The following ASB7 variants were observed in gnomAD, a reference collection of about 807,000 sequenced individuals.
ASB7 encodes ankyrin repeat and SOCS box containing 7.
A neutral mutation model predicts 32.5 loss-of-function variants in ASB7; 4 were observed. The ratio of observed to expected loss-of-function variants is 0.12; its 90% CI spans 0.06 to 0.28. The LOEUF is 0.28. ASB7 is among the 10% of genes least tolerant of loss of function. The pLI, the probability that ASB7 is intolerant of heterozygous loss-of-function variation, is 1.00. For synonymous variants in ASB7, 172 were observed against 155.6 expected (o/e 1.11, Z -0.78); for missense variants, 181 against 407.1 (o/e 0.44, Z 4.78).
chr15:100,630,318 T>C, intron 5 of ASB7: 1 of 572,038 alleles, frequency 1.7e-6, no homozygotes, highest in South Asian at 4.4e-5. Flanking sequence ...TTTTTTTAAA[T>C]GAACAAAGAT....
chr15:100,618,075 C>T (rs374674078), intron 4 of ASB7, among the ~76,000 whole-genome samples: 74 of 152,230 alleles, frequency 4.9e-4, no homozygotes, highest in African/African-American at 1.5e-3. Context: ...CCACCTCAGC[C>T]GTACCTGTTA....
Position 100,629,323 on chromosome 15 carries a change from T to G in ASB7, c.212-114T>G. On this transcript the variant is annotated intron_variant, in intron 4 of 5. Transcript: ENST00000332783. The surrounding 1 kb of genome is among the most constrained non-coding windows in gnomAD (Gnocchi z 6.8). ...AAAACGTACTTGATATTCATTACAG[T>G]GTTTGGTTGCTTCACATTTTATATG... The G allele has an allele frequency of 1.1e-6, 1 of 907,094 alleles. No individual in the cohort carries two copies. The highest frequency in any genetic ancestry group is 1.7e-6 in the Non-Finnish European group (1 of 586,102). The allele number at this position is 907,094 out of a possible 1,614,324, so 56.2% of individuals were successfully genotyped here.
At chr15:100,637,445 A>T (rs1054856993) in intron 5 of ASB7, among the ~76,000 whole-genome samples, 2 of 152,194 alleles carry the variant, frequency 1.3e-5, no homozygotes, top group African/African-American at 4.8e-5. Context: ...ATCAGTGGAG[A>T]TATTAACAAA....
Position 100,648,322 on chromosome 15 carries a change from G to A in ASB7, c.818-1G>A. On this transcript the variant is annotated splice_acceptor_variant, in intron 5 of 5. Coordinates refer to ENST00000332783, the MANE Select transcript of ASB7 (RefSeq NM_198243.3). LOFTEE classifies it high-confidence loss of function. ...ACATTTTCTTTTTTCTGTCTTTTTA[G>A]GACAGCCCAGAAACTTGCAGGACCT... 1 of 1,578,830 alleles carries A rather than the reference G, an allele frequency of 6.3e-7. No homozygotes were observed.
At chr15:100,639,082 C>T (rs1188607473) in intron 5 of ASB7, among the ~76,000 whole-genome samples, 1 of 152,150 alleles carries the variant, frequency 6.6e-6, no homozygotes, top group African/African-American at 2.4e-5. Flanking sequence ...GAAGCAACCA[C>T]CAGTATGCTT....
At chr15:100,606,137 G>GT (rs941421504) in intron 2 of ASB7, among the ~76,000 whole-genome samples, 1 of 151,624 alleles carries the variant, frequency 6.6e-6, no homozygotes, top group African/African-American at 2.4e-5. Flanking sequence ...GCCGTGTAGT[G>GT]TTTTTCCATC....
At chr15:100,618,504 C>G (rs1303563459) in intron 4 of ASB7, among the ~76,000 whole-genome samples, 1 of 152,090 alleles carries the variant, frequency 6.6e-6, no homozygotes, top group East Asian at 1.9e-4. Flanking sequence ...GATAGTAAAC[C>G]AAAATGAAGT....
chr15:100,618,945 G>A (rs1312186587), intron 4 of ASB7, among the ~76,000 whole-genome samples: 6 of 152,264 alleles, frequency 3.9e-5, no homozygotes, highest in South Asian at 4.1e-4. Context: ...TCTAAGCTAC[G>A]GAAGAGTAAG....
At chr15:100,640,008 A>AT (rs2039949791) in intron 5 of ASB7, among the ~76,000 whole-genome samples, 1 of 152,214 alleles carries the variant, frequency 6.6e-6, no homozygotes, top group Non-Finnish European at 1.5e-5. Flanking sequence ...CGTAATTGTT[A>AT]TTTTAAGGAG....
At chr15:100,620,356 G>A (rs2039780352) in intron 4 of ASB7, among the ~76,000 whole-genome samples, 1 of 152,180 alleles carries the variant, frequency 6.6e-6, no homozygotes, top group South Asian at 2.1e-4. Flanking sequence ...TGTTGACACT[G>A]TGCTAGGGAA....
intron 4 of ASB7, among the ~76,000 whole-genome samples, chr15:100,622,223 C>T (rs1433490747): frequency 4.0e-5 from 1 of 24,882 alleles, no homozygotes; most frequent in Non-Finnish European, 9.3e-5. Context: ...GAAAAAAAAC[C>T]CAACAACCTA....
At chr15:100,626,089 C>T (rs1452758246) in intron 4 of ASB7, among the ~76,000 whole-genome samples, 1 of 151,926 alleles carries the variant, frequency 6.6e-6, no homozygotes, top group East Asian at 1.9e-4. Context: ...ATGCATTGAG[C>T]AAAGATTTTT....
chr15:100,604,097 A>G lies in ASB7; in HGVS notation c.-174+784A>G, dbSNP rs569306937. On this transcript the variant is annotated intron_variant, in intron 2 of 5. Coordinates refer to ENST00000332783, the MANE Select transcript of ASB7 (RefSeq NM_198243.3). Reference sequence around the variant, plus strand: ...TAATCGTTTGACTCAGGAATTTAAAAACAAAGGAACCTTTTGGTGTGTTTA... The same window carrying G: ...TAATCGTTTGACTCAGGAATTTAAAGACAAAGGAACCTTTTGGTGTGTTTA... Among the ~76,000 whole-genome samples the G allele has an allele frequency of 2.0e-5, 3 of 152,364 alleles. No individual in the cohort carries two copies. The South Asian group carries it at 6.2e-4, about 32-fold the overall frequency.
Position 100,602,731 on chromosome 15 carries a change from C to G in ASB7, c.-588C>G, listed in dbSNP as rs2039559413. ...CTCGCCGTCCCGAGACCTCCTGGGT[C>G]CCTCCGTAGCTGGAAGCCTCCGGCC... is the stretch of plus-strand genomic sequence containing the variant. On this transcript the variant is annotated 5_prime_UTR_variant, in exon 1 of 6. Coordinates refer to ENST00000332783, the MANE Select transcript of ASB7 (RefSeq NM_198243.3). 2 of 372,160 alleles carry G rather than the reference C, an allele frequency of 5.4e-6. No homozygotes were observed. Among genetic ancestry groups the G allele is most frequent in the Non-Finnish European group, 9.5e-6 (2 of 209,862 alleles). 23.1% of individuals were successfully genotyped at this position (372,160 alleles called of 1,614,324 possible).
intron 4 of ASB7, among the ~76,000 whole-genome samples, chr15:100,619,367 G>T (rs1193332719): frequency 1.3e-5 from 2 of 152,348 alleles, no homozygotes; most frequent in South Asian, 4.1e-4. Context: ...ACAGAGGAAT[G>T]GGAGAACAGA....
chr15:100,616,726 A>G (rs1006301919), intron 4 of ASB7, among the ~76,000 whole-genome samples: 2 of 152,232 alleles, frequency 1.3e-5, no homozygotes, highest in African/African-American at 4.8e-5. Context: ...TAGTAGAATA[A>G]GAGATTCAGA....
At chr15:100,643,477 CTTTTTTTT>C (rs1172063471) in intron 5 of ASB7, among the ~76,000 whole-genome samples, 3 of 104,380 alleles carry the variant, frequency 2.9e-5, no homozygotes, top group Non-Finnish European at 5.8e-5. Context: ...GTCCCTTCTT[CTTTTTTTT>C]TTTTTTTTTT....
chr15:100,636,683 A>C (rs759972663), intron 5 of ASB7, among the ~76,000 whole-genome samples: 1 of 152,234 alleles, frequency 6.6e-6, no homozygotes, highest in Non-Finnish European at 1.5e-5. Flanking sequence ...CGTTTTAAAA[A>C]TTCTTGCCAC....
intron 5 of ASB7, chr15:100,645,689 T>A: frequency 6.5e-7 from 1 of 1,528,908 alleles, no homozygotes. Context: ...GAAAGAACCA[T>A]CTTTAGTTTG....
Sources: allele counts gnomAD v4.1 joint callset (sites outside exome capture counted in the v4.1 genomes callset), GRCh38; gene constraint gnomAD v4.1.1; non-coding constraint Gnocchi (gnomAD v3.1); transcripts MANE v1.5; gene names NCBI Gene and HGNC (gene_info 2026-07-23, HGNC 2026-07-21).